Variants in C1orf115 observed in about 807,000 individuals in gnomAD.
C1orf115 encodes the protein chromosome 1 open reading frame 115, also known as required for drug-induced death protein 1.
A neutral mutation model predicts 12.5 loss-of-function variants in C1orf115; 14 were observed. The ratio of observed to expected loss-of-function variants is 1.12; its 90% CI spans 0.74 to 1.75. C1orf115 has a LOEUF of 1.75. Among genes scored for constraint, C1orf115 ranks in the 40% most tolerant of loss-of-function variants. C1orf115 has a pLI of 0.00. For missense variants in C1orf115, 237 were observed against 220.8 expected (o/e 1.07, Z -0.46); for synonymous variants, 109 against 104.6 (o/e 1.04, Z -0.26).
chr1:220,698,598 C>G lies in C1orf115; in HGVS notation c.*1867C>G, dbSNP rs1391372415. The stretch of plus-strand genomic sequence containing the variant: ...TAGTGAGTGGGAAAGAGAGTGAGAG[C>G]CTGTGCAGGCTGCTGACGAGCCCCA... On this transcript the variant is annotated 3_prime_UTR_variant, in exon 2 of 2. Transcript: ENST00000294889. 1 of 152,030 alleles carries G rather than the reference C, an allele frequency of 6.6e-6. No individual in the cohort carries two copies. 9.4% of individuals were successfully genotyped at this position (152,030 alleles called of 1,614,324 possible).
At chr1:220,690,750 T>C (rs1390200641) in intron 1 of C1orf115, 39 bp downstream of exon 1, 1 of 1,544,764 alleles carries the variant, frequency 6.5e-7, no homozygotes, top group South Asian at 1.2e-5. Flanking sequence ...GGGGCGCGGG[T>C]GTGGTGTCCC....
Sources: allele counts gnomAD v4.1 joint callset, GRCh38; gene constraint gnomAD v4.1.1; transcripts MANE v1.5; gene names NCBI Gene and HGNC (gene_info 2026-07-23, HGNC 2026-07-21).